Variants in DSC3 observed in about 807,000 individuals in gnomAD.
The protein encoded by DSC3 is desmocollin-3.
In DSC3, 97 loss-of-function variants were observed where a neutral mutation model predicts 89.5. The ratio of observed to expected loss-of-function variants is 1.08; its 90% CI spans 0.92 to 1.28. The LOEUF is 1.28. DSC3 is among the 50% of genes most tolerant of loss of function. DSC3 has a pLI of 0.00. For missense variants in DSC3, 1,199 were observed against 1,085.3 expected, an observed-to-expected ratio of 1.10 and a Z score of -1.47; for synonymous variants, 436 against 384.1, an observed-to-expected ratio of 1.14 and a Z score of -1.58.
intron 12 of DSC3, among the ~76,000 whole-genome samples, chr18:31,004,753 C>T (rs1361342266): frequency 6.6e-6 from 1 of 152,132 alleles, no homozygotes; most frequent in African/African-American, 2.4e-5. Context: ...CATTGACCTT[C>T]TAGTATTTGC....
chr18:30,995,842 T>C (rs1984434924), intron 15 of DSC3, among the ~76,000 whole-genome samples: 1 of 151,150 alleles, frequency 6.6e-6, no homozygotes, highest in African/African-American at 2.4e-5. Flanking sequence ...TGTGGTGGTG[T>C]ATACCTGTAG....
chr18:31,027,484 C>CTTCCTTCG (rs1555634405), intron 4 of DSC3, among the ~76,000 whole-genome samples: 3 of 151,514 alleles, frequency 2.0e-5, no homozygotes, highest in Non-Finnish European at 4.4e-5. Flanking sequence ...TCCTTCCTTC[C>CTTCCTTCG]TTCCTTCCTT....
intron 9 of DSC3, among the ~76,000 whole-genome samples, chr18:31,015,677 T>G (rs1051764817): frequency 2.6e-5 from 4 of 152,174 alleles, no homozygotes; most frequent in Non-Finnish European, 5.9e-5. Context: ...TGAGAGAGAC[T>G]GGAGAAGCTG....
chr18:31,001,806 T>C, intron 13 of DSC3, 67 bp from the exon 14 acceptor site: 7 of 1,294,150 alleles, frequency 5.4e-6, no homozygotes, highest in Non-Finnish European at 7.4e-6. Flanking sequence ...TCATCATTTA[T>C]TTCTTACGAC....
At position 31,007,094 on chromosome 18, in the gene DSC3, A is replaced by C; in HGVS notation, c.1701T>G (p.Ile567Met). 6.2e-7 allele frequency: 1 copy of C among 1,613,886 alleles called. No individual in the cohort carries two copies. Among genetic ancestry groups the C allele is most frequent in the Non-Finnish European group, 8.5e-7 (1 of 1,179,884 alleles). Reference sequence around the variant, plus strand: ...CTGGTGGATTATCATTTACATCTTCAATGTTCACAGCAAGTGTTCCAGTAC... The same window carrying C: ...CTGGTGGATTATCATTTACATCTTCCATGTTCACAGCAAGTGTTCCAGTAC... ...RSCTGTLAVN[I>M]EDVNDNPPEI... Residue 567 changes from isoleucine to methionine, a missense_variant, in exon 12 of 16, where the codon ATT (isoleucine) becomes ATG (methionine). Ile to Met is a conservative substitution (Grantham distance 10). Coordinates refer to ENST00000360428, the MANE Select transcript of DSC3 (RefSeq NM_001941.5).
intron 9 of DSC3, among the ~76,000 whole-genome samples, chr18:31,009,487 AT>A (rs531989464): frequency 9.2e-4 from 140 of 152,322 alleles, no homozygotes; most frequent in African/African-American, 3.3e-3. Context: ...TCCTTCATGA[AT>A]GAGTTAAAAC....
Position 31,031,224 on chromosome 18 carries a change from AC to A in DSC3, c.155-53del, listed in dbSNP as rs536753054. The A allele has an allele frequency of 6.9e-4, 863 of 1,259,212 alleles. 1 individual carries two copies. The highest frequency in any genetic ancestry group is 1.3e-3 in the Middle Eastern group (7 of 5,306). The allele number at this position is 1,259,212 out of a possible 1,614,324, so 78.0% of individuals were successfully genotyped here. On this transcript the variant is annotated intron_variant, in intron 2 of 15. Transcript: ENST00000360428. The stretch of plus-strand genomic sequence containing the variant: ...AGGTAAAAACACATGAGAAAAAAAA[AC>A]GTGTTAAAATAATTTATATAATATT...
chr18:31,038,801 G>T (rs1391086686), intron 1 of DSC3, among the ~76,000 whole-genome samples: 2 of 151,982 alleles, frequency 1.3e-5, no homozygotes, highest in Non-Finnish European at 2.9e-5. Flanking sequence ...TATTTTCAAA[G>T]TTCCTAACTA....
intron 7 of DSC3, 140 bp from the exon 8 acceptor site, chr18:31,018,940 C>G (rs1355475832): frequency 1.2e-6 from 1 of 826,784 alleles, no homozygotes; most frequent in African/African-American, 1.7e-5. Flanking sequence ...CATATTTGCA[C>G]AGACTCTAGG....
In DSC3 at chr18:30,996,907, G is replaced by C. The variant is rs369025868; in HGVS notation, c.2377C>G (p.Arg793Gly). ...KGGNQTLESCRGAGHHHTLDS... is the reference protein window; with the variant it reads ...KGGNQTLESCGGAGHHHTLDS... Reference sequence around the variant, plus strand: ...AGGGTATGATGATGCCCAGCCCCCCGGCAGGATTCCAAGGTCTGGTTTCCT... The same window carrying C: ...AGGGTATGATGATGCCCAGCCCCCCCGCAGGATTCCAAGGTCTGGTTTCCT... The change falls in exon 15 of 16, where the codon CGG becomes GGG. Residue 793 changes from arginine to glycine, a missense_variant. By Grantham distance (125) the Arg-to-Gly change is moderately radical. Transcript: ENST00000360428. The C allele has an allele frequency of 6.2e-7, 1 of 1,613,838 alleles. No homozygotes were observed. The highest frequency in any genetic ancestry group is 1.7e-5 in the Admixed American group (1 of 59,980).
intron 4 of DSC3, among the ~76,000 whole-genome samples, chr18:31,026,916 C>A (rs969817689): frequency 4.6e-5 from 7 of 152,078 alleles, no homozygotes; most frequent in Non-Finnish European, 1.0e-4. Flanking sequence ...CATCTGGAAC[C>A]TGCAGAGACA....
At chr18:31,030,633 A>G (rs1490906023) in intron 3 of DSC3, among the ~76,000 whole-genome samples, 2 of 152,004 alleles carry the variant, frequency 1.3e-5, no homozygotes, top group East Asian at 3.9e-4. Flanking sequence ...CCAGAGTTCA[A>G]CAAGTGTTAA....
chr18:31,018,842 T>C (rs1985323714), intron 7 of DSC3, 42 bp from the exon 8 acceptor site: 1 of 1,602,594 alleles, frequency 6.2e-7, no homozygotes, highest in Non-Finnish European at 8.5e-7. Context: ...GAAAAATTTT[T>C]GGTAGATTTA....
intron 14 of DSC3, 133 bp downstream of exon 14, chr18:31,001,485 A>G (rs1335829594): frequency 2.0e-6 from 2 of 1,002,580 alleles, no homozygotes; most frequent in Non-Finnish European, 2.9e-6. Flanking sequence ...ATGAATATTG[A>G]CAGACAATAT....
At chr18:31,004,941 G>A (rs954142460) in intron 12 of DSC3, among the ~76,000 whole-genome samples, 4 of 152,122 alleles carry the variant, frequency 2.6e-5, no homozygotes, top group African/African-American at 9.7e-5. Flanking sequence ...AACTCTGATA[G>A]TCAATTTTCC....
At chr18:31,028,271 T>G (rs995259607) in intron 4 of DSC3, among the ~76,000 whole-genome samples, 1 of 151,972 alleles carries the variant, frequency 6.6e-6, no homozygotes, top group African/African-American at 2.4e-5. Flanking sequence ...GAGTGATCAA[T>G]GAAGTAAGTG....
chr18:31,034,458 T>C (rs1255546114), intron 1 of DSC3, among the ~76,000 whole-genome samples: 10 of 152,202 alleles, frequency 6.6e-5, no homozygotes, highest in Non-Finnish European at 4.4e-5. Context: ...GCAGATACTT[T>C]GGAAAACAGT....
In DSC3 at chr18:31,025,869, C is replaced by T. The variant is rs1211663337; in HGVS notation, c.521G>A (p.Ser174Asn). 1.2e-6 allele frequency: 2 copies of T among 1,612,954 alleles called. No individual in the cohort carries two copies. The highest frequency in any genetic ancestry group is 8.5e-7 in the Non-Finnish European group (1 of 1,179,342). The stretch of plus-strand genomic sequence containing the variant: ...AGGTTCTTTATCAACTCCACGTCCA[C>T]TTATTGAGTAGAAGACAGTATAGTT... ...AQNYTVFYSI[S>N]GRGVDKEPLN... is the part of the protein sequence containing the mutation. The change falls in exon 5 of 16, where the codon AGT becomes AAT. Residue 174 changes from serine to asparagine, a missense_variant. By Grantham distance (46) the Ser-to-Asn change is conservative (BLOSUM62 1). Transcript: ENST00000360428.
rs11463125 is a variant in DSC3 at position 31,021,056 on chromosome 18, GTT to G, written c.942+1278_942+1279del. On this transcript the variant is annotated intron_variant, in intron 7 of 15. Transcript: ENST00000360428. ...CTTTTTATCTTCCTCTAAATTCACT[GTT>G]TTTTTTTTTTATCTCCCATCATTTT... Among the ~76,000 whole-genome samples, 93 of 144,888 alleles carry G rather than the reference GTT, an allele frequency of 6.4e-4. No homozygotes were observed. The Middle Eastern group carries it at 0.011, about 17-fold the overall frequency.
Sources: gnomAD v4.1 joint callset for allele counts (sites outside exome capture counted in the v4.1 genomes callset) on GRCh38, gnomAD v4.1.1 for gene constraint, MANE v1.5 for transcripts, NCBI Gene and HGNC (gene_info 2026-07-23, HGNC 2026-07-21) for gene names.